The following TBCK variants were observed in gnomAD, a reference collection of about 807,000 sequenced individuals.
TBCK encodes the protein TBC domain-containing protein kinase-like protein.
In TBCK, 99 loss-of-function variants were observed where a neutral mutation model predicts 113.4. The ratio of observed to expected loss-of-function variants is 0.87; its 90% CI spans 0.74 to 1.03. The LOEUF is 1.03. Among genes scored for constraint, TBCK ranks in the 50% least tolerant of loss-of-function variants. TBCK has a pLI of 0.00. For missense variants in TBCK, 1,045 were observed against 1,061.3 expected (o/e 0.98, Z 0.21); for synonymous variants, 369 against 370.8 (o/e 1.00, Z 0.05).
chr4:106,072,578 G>GGTTGCTCTCC (rs1737605708), intron 25 of TBCK, among the ~76,000 whole-genome samples: 1 of 151,982 alleles, frequency 6.6e-6, no homozygotes, highest in Non-Finnish European at 1.5e-5. Flanking sequence ...TGTGTGTTGG[G>GGTTGCTCTCC]GTTGCTCTTC....
intron 23 of TBCK, among the ~76,000 whole-genome samples, chr4:106,129,701 C>G (rs1204639865): frequency 6.6e-6 from 1 of 152,118 alleles, no homozygotes; most frequent in Non-Finnish European, 1.5e-5. Flanking sequence ...TTAATAATCA[C>G]AGAAATATAA....
chr4:106,316,576 C>T, upstream of TBCK: 1 of 1,551,486 alleles, frequency 6.4e-7, no homozygotes, highest in Non-Finnish European at 8.7e-7. Flanking sequence ...GTCTCGGAAC[C>T]CGTGGTCCTC....
chr4:106,225,238 G>T (rs1758111864), intron 19 of TBCK, among the ~76,000 whole-genome samples: 1 of 151,558 alleles, frequency 6.6e-6, no homozygotes, highest in East Asian at 1.9e-4. Flanking sequence ...TTTTTTTTTA[G>T]CATAATATTA....
intron 24 of TBCK, among the ~76,000 whole-genome samples, chr4:106,107,030 A>G (rs1447952887): frequency 6.6e-6 from 1 of 151,340 alleles, no homozygotes; most frequent in Non-Finnish European, 1.5e-5. Flanking sequence ...ACAACGATTT[A>G]AAAAAAAAGA....
chr4:106,103,774 A>G (rs1009215749), intron 24 of TBCK, among the ~76,000 whole-genome samples: 2 of 152,202 alleles, frequency 1.3e-5, no homozygotes, highest in African/African-American at 4.8e-5. Context: ...GAAGGGGGCA[A>G]GTAAATACCA....
At chr4:106,071,863 G>C (rs1019697647) in intron 25 of TBCK, among the ~76,000 whole-genome samples, 1 of 152,130 alleles carries the variant, frequency 6.6e-6, no homozygotes, top group Non-Finnish European at 1.5e-5. Context: ...GGCCTTAATT[G>C]TCTCTTTTGA....
At chr4:106,148,328 G>A (rs1183534064) in intron 23 of TBCK, among the ~76,000 whole-genome samples, 1 of 152,112 alleles carries the variant, frequency 6.6e-6, no homozygotes, top group African/African-American at 2.4e-5. Context: ...TGCTGGTTTT[G>A]CGGCTTGTGG....
chr4:106,142,934 C>T (rs1299846491), intron 23 of TBCK, among the ~76,000 whole-genome samples: 2 of 152,170 alleles, frequency 1.3e-5, no homozygotes, highest in Admixed American at 6.5e-5. Context: ...TATGTTAATA[C>T]TGTGTCAAGG....
At chr4:106,152,234 T>C (rs1288341452) in intron 23 of TBCK, among the ~76,000 whole-genome samples, 1 of 152,012 alleles carries the variant, frequency 6.6e-6, no homozygotes, top group Non-Finnish European at 1.5e-5. Flanking sequence ...TGTATGGTTT[T>C]TATTGTCCTG....
At chr4:106,230,965 G>C (rs1053220304) in intron 18 of TBCK, among the ~76,000 whole-genome samples, 6 of 151,796 alleles carry the variant, frequency 4.0e-5, no homozygotes, top group African/African-American at 1.4e-4. Context: ...GAATATCACA[G>C]AACAGAGTAT....
intron 24 of TBCK, among the ~76,000 whole-genome samples, chr4:106,112,904 G>A (rs755296549): frequency 7.2e-5 from 11 of 152,002 alleles, no homozygotes; most frequent in Admixed American, 2.0e-4. Flanking sequence ...CAAATTAACC[G>A]GCAATGCCCA....
chr4:106,189,766 T>TA (rs138468467), intron 22 of TBCK, among the ~76,000 whole-genome samples: 2,076 of 152,276 alleles, frequency 0.014, 53 homozygotes, highest in African/African-American at 0.047. Flanking sequence ...TCTCAACAAA[T>TA]ATATTTTTAA....
intron 25 of TBCK, among the ~76,000 whole-genome samples, chr4:106,049,560 A>C (rs933605111): frequency 2.6e-5 from 4 of 152,066 alleles, no homozygotes; most frequent in Non-Finnish European, 5.9e-5. Flanking sequence ...AGTGTTAAAT[A>C]AGTCACATCA....
At chr4:106,099,223 G>A (rs953110692) in intron 24 of TBCK, among the ~76,000 whole-genome samples, 1 of 152,028 alleles carries the variant, frequency 6.6e-6, no homozygotes, top group East Asian at 1.9e-4. Context: ...AAAAAGATTT[G>A]AAAATTCCTT....
chr4:106,103,340 G>C (rs1466498314), intron 24 of TBCK, among the ~76,000 whole-genome samples: 2 of 152,296 alleles, frequency 1.3e-5, no homozygotes, highest in Non-Finnish European at 2.9e-5. Context: ...TTGTGTGTAA[G>C]ATTTGAAGAA....
chr4:106,229,695 T>C (rs917035290), intron 19 of TBCK, among the ~76,000 whole-genome samples: 1 of 152,048 alleles, frequency 6.6e-6, no homozygotes, highest in African/African-American at 2.4e-5. Context: ...AGTTTTGTTC[T>C]TTTTGCTCAG....
chr4:106,216,956 C>T (rs1209220037), intron 19 of TBCK, among the ~76,000 whole-genome samples: 1 of 152,054 alleles, frequency 6.6e-6, no homozygotes, highest in African/African-American at 2.4e-5. Flanking sequence ...AACATTGATG[C>T]AAAAATCCTC....
rs76411711 is a variant in TBCK at position 106,099,958 on chromosome 4, A to G, written c.2412-4317T>C. ...ATTTCTCAGTTCAGTCCTCATGAAT[A>G]GAACCTAACTACTTTAATTCCAACC... On this transcript the variant is annotated intron_variant, in intron 24 of 25. Transcript: ENST00000394708. Among the ~76,000 whole-genome samples the G allele has an allele frequency of 9.5e-3, 1,445 of 152,314 alleles. 17 individuals carry two copies. Among genetic ancestry groups the G allele is most frequent in the Non-Finnish European group, 0.016 (1,085 of 68,012 alleles).
At chr4:106,192,176 T>G (rs780371870) in intron 22 of TBCK, among the ~76,000 whole-genome samples, 2 of 152,010 alleles carry the variant, frequency 1.3e-5, no homozygotes, top group Non-Finnish European at 2.9e-5. Context: ...GCCACTAATC[T>G]CCCTATAAAG....
Sources: gnomAD v4.1 joint callset for allele counts (sites outside exome capture counted in the v4.1 genomes callset) on GRCh38, gnomAD v4.1.1 for gene constraint, MANE v1.5 for transcripts, NCBI Gene and HGNC (gene_info 2026-07-23, HGNC 2026-07-21) for gene names.